The following INO80 variants were observed in gnomAD, a reference collection of about 807,000 sequenced individuals.
INO80 encodes chromatin-remodeling ATPase INO80.
In INO80, 20 loss-of-function variants were observed where a neutral mutation model predicts 203.4. That is an observed-to-expected ratio of 0.10 (90% CI 0.07 to 0.14). The LOEUF (loss-of-function observed/expected upper bound fraction) is 0.14. INO80 is among the 10% of genes least tolerant of loss of function. INO80 has a pLI of 1.00. For missense variants in INO80, 1,419 were observed against 1,914.4 expected, an observed-to-expected ratio of 0.74 and a Z score of 4.83; for synonymous variants, 726 against 685.2, an observed-to-expected ratio of 1.06 and a Z score of -0.93.
chr15:41,065,046 G>A (rs192632055), intron 14 of INO80, among the ~76,000 whole-genome samples: 23 of 151,978 alleles, frequency 1.5e-4, no homozygotes, highest in Admixed American at 9.2e-4. Flanking sequence ...GTTCCAATAC[G>A]TATGACTTTC....
intron 18 of INO80, among the ~76,000 whole-genome samples, chr15:41,054,505 C>T (rs566572938): frequency 6.6e-6 from 1 of 152,130 alleles, no homozygotes; most frequent in Admixed American, 6.5e-5. Flanking sequence ...AAAATGCTCA[C>T]AATGAAAACA....
chr15:41,101,310 A>G (rs2045804284), intron 1 of INO80, among the ~76,000 whole-genome samples: 1 of 152,132 alleles, frequency 6.6e-6, no homozygotes, highest in South Asian at 2.1e-4. Context: ...ACTTCAGCAA[A>G]ACACTTGATA....
rs769293471 is a variant in INO80 at position 40,984,223 on chromosome 15, A to T, written c.4051T>A (p.Ser1351Thr). 6.2e-7 allele frequency: 1 copy of T among 1,613,738 alleles called. No homozygotes were observed. Among genetic ancestry groups the T allele is most frequent in the Non-Finnish European group, 8.5e-7 (1 of 1,179,830 alleles). Residue 1351 changes from serine (S) to threonine (T), a missense_variant, in exon 33 of 36, where the codon TCA becomes ACA. This residue lies in a region of INO80 where 214 missense variants were observed against 248.9 expected (regional missense o/e 0.86). Coordinates refer to ENST00000648947, the MANE Select transcript of INO80 (RefSeq NM_017553.3). ...DGDDSFISVDSAMPSPFSEIS... is the reference protein window; with the variant it reads ...DGDDSFISVDTAMPSPFSEIS... ...TCACTGAAAGGGCTTGGCATGGCTGAGTCCACGCTAATGAAGGAGTCATCT... is the reference window on the plus strand; with the variant it reads ...TCACTGAAAGGGCTTGGCATGGCTGTGTCCACGCTAATGAAGGAGTCATCT...
chr15:41,042,240 C>T (rs1027535469), intron 24 of INO80, among the ~76,000 whole-genome samples: 11 of 151,816 alleles, frequency 7.2e-5, no homozygotes, highest in African/African-American at 2.7e-4. Context: ...TCTTGAATTC[C>T]TAACCTCAAG....
chr15:41,043,694 T>C (rs900928021), intron 24 of INO80, among the ~76,000 whole-genome samples: 3 of 152,194 alleles, frequency 2.0e-5, no homozygotes, highest in Non-Finnish European at 4.4e-5. Context: ...TAAACTTCAA[T>C]CTAGCTGAAG....
intron 14 of INO80, among the ~76,000 whole-genome samples, chr15:41,066,380 C>T (rs993678637): frequency 4.6e-5 from 7 of 152,086 alleles, no homozygotes; most frequent in African/African-American, 1.7e-4. Context: ...TGTTCTTGAA[C>T]TTCTGGACTC....
At chr15:41,077,040 T>TAGGA (rs2045414109) in intron 9 of INO80, among the ~76,000 whole-genome samples, 1 of 152,034 alleles carries the variant, frequency 6.6e-6, no homozygotes, top group African/African-American at 2.4e-5. Context: ...CCCGAGTAGC[T>TAGGA]AGGACTACAG....
At chr15:41,085,302 T>C in intron 7 of INO80, 67 bp downstream of exon 7, 1 of 1,333,174 alleles carries the variant, frequency 7.5e-7, no homozygotes. Context: ...GCTCTCAGAG[T>C]TCCTCTTTAG....
At chr15:41,010,173 A>C (rs565863194) in intron 27 of INO80, among the ~76,000 whole-genome samples, 1 of 152,356 alleles carries the variant, frequency 6.6e-6, no homozygotes, top group Non-Finnish European at 1.5e-5. Flanking sequence ...GTGGCATGCA[A>C]ACAGAGCTGC....
At chr15:41,091,802 C>T (rs2045648671) in intron 5 of INO80, among the ~76,000 whole-genome samples, 3 of 151,724 alleles carry the variant, frequency 2.0e-5, no homozygotes, top group Non-Finnish European at 4.4e-5. Context: ...TACAGGCGCA[C>T]GCCACCACAC....
At position 41,067,222 on chromosome 15, in the gene INO80, G is replaced by A. The variant is rs538081145; in HGVS notation, c.1782+2348C>T. Among the ~76,000 whole-genome samples, 409 of 151,650 alleles carry A rather than the reference G, an allele frequency of 2.7e-3. 2 individuals carry two copies. The highest frequency in any genetic ancestry group is 0.013 in the South Asian group (62 of 4,794). Reference sequence around the variant, plus strand: ...CTCCCGAGTAGCTGGGATTACAGGCGCCCGCCATAACACCTGGCTGATTTT... The same window carrying A: ...CTCCCGAGTAGCTGGGATTACAGGCACCCGCCATAACACCTGGCTGATTTT... On this transcript the variant is annotated intron_variant, in intron 14 of 35. Coordinates refer to ENST00000648947, the MANE Select transcript of INO80 (RefSeq NM_017553.3).
At chr15:41,002,901 G>A (rs914433030) in intron 28 of INO80, among the ~76,000 whole-genome samples, 2 of 152,122 alleles carry the variant, frequency 1.3e-5, no homozygotes, top group African/African-American at 4.8e-5. Flanking sequence ...TCAGGAGATT[G>A]AGACCATCCT....
Position 40,980,367 on chromosome 15 carries a change from G to A in INO80, c.4527C>T (p.Ser1509=), listed in dbSNP as rs781401428. Residue 1509 remains serine, a synonymous_variant, in exon 36 of 36, where the codon AGC becomes AGT. Coordinates refer to ENST00000648947, the MANE Select transcript of INO80 (RefSeq NM_017553.3). ...AAGGGGAACTCAAAGGAGAAGAGGC[G>A]CTTGAAGGTCCAAAGTCAGCAAGGC... ...PAGLADFGPS[S]ASSPLSSPLS... The A allele has an allele frequency of 2.1e-5, 34 of 1,613,890 alleles. No individual in the cohort carries two copies. Among genetic ancestry groups the A allele is most frequent in the East Asian group, 2.2e-5 (1 of 44,900 alleles).
At chr15:41,037,671 G>A (rs1287615454) in intron 24 of INO80, among the ~76,000 whole-genome samples, 5 of 152,072 alleles carry the variant, frequency 3.3e-5, no homozygotes, top group African/African-American at 9.7e-5. Flanking sequence ...GGCTGGGTGT[G>A]GTGGCTCACG....
chr15:41,021,406 A>G (rs73399681), intron 25 of INO80, among the ~76,000 whole-genome samples: 9,867 of 152,278 alleles, frequency 0.065, 926 homozygotes, highest in African/African-American at 0.21. Context: ...CAATAACTCT[A>G]TTATATGCAT....
intron 29 of INO80, among the ~76,000 whole-genome samples, chr15:40,994,534 T>C (rs1481319511): frequency 6.6e-6 from 1 of 151,386 alleles, no homozygotes; most frequent in Admixed American, 6.6e-5. Context: ...CAGCTAAATT[T>C]TTTTGTATTT....
intron 1 of INO80, among the ~76,000 whole-genome samples, chr15:41,107,571 G>C (rs887340276): frequency 6.6e-5 from 10 of 151,692 alleles, no homozygotes; most frequent in Middle Eastern, 3.4e-3. Flanking sequence ...AGGCCAAGGA[G>C]GGTGGATCAT....
Position 41,071,928 on chromosome 15 carries a change from G to C in INO80, c.1526C>G (p.Pro509Arg). 1 of 1,614,016 alleles carries C rather than the reference G, an allele frequency of 6.2e-7. No homozygotes were observed. The highest frequency in any genetic ancestry group is 8.5e-7 in the Non-Finnish European group (1 of 1,179,940). ...NPSIRAGEDIPQPTIFNGKLK... is the reference protein window; with the variant it reads ...NPSIRAGEDIRQPTIFNGKLK... The stretch of plus-strand genomic sequence containing the variant: ...TTTGCCATTAAAAATTGTGGGCTGT[G>C]GAATATCCTCACCAGCCCGGATAGA... The change falls in exon 12 of 36, where the codon CCA becomes CGA. Residue 509 changes from proline (P) to arginine (R), a missense_variant. Pro to Arg is a moderately radical substitution (Grantham distance 103, BLOSUM62 -2). Transcript: ENST00000648947.
At chr15:41,004,695 T>C (rs964538866) in intron 28 of INO80, 4 of 152,136 alleles carry the variant, frequency 2.6e-5, no homozygotes, top group African/African-American at 2.4e-5. Flanking sequence ...CAGGCAGTAA[T>C]TGAAATTTCA....
Sources: gnomAD v4.1 joint callset for allele counts (sites outside exome capture counted in the v4.1 genomes callset) on GRCh38, gnomAD v4.1.1 for gene constraint, gnomAD v4.1.1 regional missense constraint, MANE v1.5 for transcripts, NCBI Gene and HGNC (gene_info 2026-07-23, HGNC 2026-07-21) for gene names.